CSTPP1: variants seen among roughly 807,000 people sequenced by gnomAD.
CSTPP1 encodes the protein UPF0705 protein C11orf49.
chr11:47,103,392 C>G, the CSTPP1 span, among the ~76,000 whole-genome samples: 5 of 121,984 alleles, frequency 4.1e-5, no homozygotes, highest in South Asian at 1.6e-3. Flanking sequence ...AAAGCAAGAC[C>G]CTGTCTCAAA....
the CSTPP1 span, chr11:47,155,353 C>T: frequency 2.7e-5 from 30 of 1,111,444 alleles, 1 homozygote; most frequent in East Asian, 2.6e-4. Flanking sequence ...CTGGCACACA[C>T]GTTTCTCTTC....
the CSTPP1 span, among the ~76,000 whole-genome samples, chr11:47,068,739 C>A: frequency 1.3e-5 from 2 of 152,180 alleles, no homozygotes; most frequent in South Asian, 4.2e-4. Flanking sequence ...AATTATCAAG[C>A]ATTTTATAAA....
At chr11:47,052,397 TGTATGCCAGG>T in the CSTPP1 span, 26 of 1,613,696 alleles carry the variant, frequency 1.6e-5, no homozygotes, top group Non-Finnish European at 2.1e-5. Context: ...GTTTTAACAG[TGTATGCCAGG>T]GAACACACAT....
At chr11:47,067,563 G>A in the CSTPP1 span, among the ~76,000 whole-genome samples, 1 of 152,164 alleles carries the variant, frequency 6.6e-6, no homozygotes, top group Non-Finnish European at 1.5e-5. Context: ...AGAGACACCG[G>A]AACTGGTGTC....
chr11:47,047,550 G>A, the CSTPP1 span, among the ~76,000 whole-genome samples: 1 of 152,050 alleles, frequency 6.6e-6, no homozygotes, highest in African/African-American at 2.4e-5. Context: ...GAATGAAATT[G>A]GACTACAACA....
At chr11:47,042,457 C>CTGTG in the CSTPP1 span, among the ~76,000 whole-genome samples, 1 of 146,994 alleles carries the variant, frequency 6.8e-6, no homozygotes, top group Non-Finnish European at 1.5e-5. Flanking sequence ...ACTTATATGT[C>CTGTG]TGTGTGTGTG....
chr11:47,078,595 T>C, the CSTPP1 span, among the ~76,000 whole-genome samples: 622 of 152,100 alleles, frequency 4.1e-3, 10 homozygotes, highest in African/African-American at 0.014. Flanking sequence ...CTCAAGAGCA[T>C]AGATGGAAAG....
At chr11:47,046,904 C>CT in the CSTPP1 span, among the ~76,000 whole-genome samples, 10,416 of 112,206 alleles carry the variant, frequency 0.093, 430 homozygotes, top group Non-Finnish European at 0.11. Flanking sequence ...AATTTCTTTT[C>CT]TTTTTTTTTT....
the CSTPP1 span, among the ~76,000 whole-genome samples, chr11:47,111,892 A>G: frequency 6.6e-6 from 1 of 152,210 alleles, no homozygotes; most frequent in Non-Finnish European, 1.5e-5. Context: ...TAAGCACTTA[A>G]TGTGAATATT....
chr11:46,940,425 A>G, the CSTPP1 span, among the ~76,000 whole-genome samples: 3 of 152,284 alleles, frequency 2.0e-5, no homozygotes, highest in African/African-American at 7.2e-5. Context: ...ACTTATAGAT[A>G]TTGTCAGATT....
the CSTPP1 span, among the ~76,000 whole-genome samples, chr11:47,050,791 G>A: frequency 1.2e-4 from 19 of 152,264 alleles, no homozygotes; most frequent in Admixed American, 6.5e-4. Context: ...ATAGCACTGC[G>A]TGGTTAGGTT....
At chr11:46,944,707 A>G in the CSTPP1 span, among the ~76,000 whole-genome samples, 1 of 152,098 alleles carries the variant, frequency 6.6e-6, no homozygotes. Context: ...CTCCTAAAGG[A>G]GGGATAATAA....
At chr11:47,151,420 G>A in the CSTPP1 span, among the ~76,000 whole-genome samples, 2 of 152,032 alleles carry the variant, frequency 1.3e-5, no homozygotes, top group African/African-American at 2.4e-5. Context: ...AAAGCAAGAG[G>A]AGTAGTTGCA....
At chr11:47,075,164 G>A in the CSTPP1 span, among the ~76,000 whole-genome samples, 4 of 152,132 alleles carry the variant, frequency 2.6e-5, no homozygotes, top group African/African-American at 4.8e-5. Context: ...TTGAGGTCAG[G>A]AGTTCGAGAC....
chr11:46,979,321 T>G, the CSTPP1 span, among the ~76,000 whole-genome samples: 1 of 152,236 alleles, frequency 6.6e-6, no homozygotes, highest in Non-Finnish European at 1.5e-5. Context: ...TTTGAAAACA[T>G]GAGTGGCATA....
chr11:47,095,998 A>G, the CSTPP1 span, among the ~76,000 whole-genome samples: 4 of 152,320 alleles, frequency 2.6e-5, no homozygotes, highest in Admixed American at 1.3e-4. Flanking sequence ...AGATAGATAC[A>G]TAAAAGGGCC....
At chr11:47,041,638 T>C in the CSTPP1 span, 1 of 420,296 alleles carries the variant, frequency 2.4e-6, no homozygotes, top group South Asian at 1.9e-5. Flanking sequence ...GCTCAGCATG[T>C]TTTCCTTCTC....
the CSTPP1 span, among the ~76,000 whole-genome samples, chr11:46,971,194 G>T: frequency 6.6e-6 from 1 of 152,120 alleles, no homozygotes; most frequent in South Asian, 2.1e-4. Context: ...CTCCTGTATT[G>T]TTCTGTTTCA....
At chr11:47,089,417 G>A in the CSTPP1 span, among the ~76,000 whole-genome samples, 9 of 151,990 alleles carry the variant, frequency 5.9e-5, 1 homozygote, top group South Asian at 8.3e-4. Flanking sequence ...TCTCCCACCC[G>A]GGTGGACAGA....
Sources: allele counts gnomAD v4.1 joint callset (sites outside exome capture counted in the v4.1 genomes callset), GRCh38; gene constraint gnomAD v4.1.1; transcripts MANE v1.5; gene names NCBI Gene and HGNC (gene_info 2026-07-23, HGNC 2026-07-21).